IGFL4: variants seen among roughly 807,000 people sequenced by gnomAD.
IGFL4 encodes insulin growth factor-like family member 4.
IGFL4 carries 12 observed loss-of-function variants against 15.4 expected under a neutral mutation model. That is an observed-to-expected ratio of 0.78 (90% CI 0.50 to 1.26). The LOEUF is 1.26. Among genes scored for constraint, IGFL4 ranks in the 50% most tolerant of loss-of-function variants. The pLI is 0.00. For missense variants in IGFL4, 126 were observed against 147.8 expected (o/e 0.85, Z 0.76); for synonymous variants, 54 against 55.9 (o/e 0.97, Z 0.16).
Position 46,040,840 on chromosome 19 carries a change from C to G in IGFL4, c.19+104G>C. ...ATAGCAGTGATTATGAGGTGGGACA[C>G]CAATAATTAAATAGGGAAGAGAGAA... On this transcript the variant is annotated intron_variant, in intron 1 of 3. Transcript: ENST00000377697. This position sits in a 1 kb window ranked among gnomAD's most constrained non-coding sequence, Gnocchi z 4.1. 2 of 1,137,566 alleles carry G rather than the reference C, an allele frequency of 1.8e-6. No individual in the cohort carries two copies. The highest frequency in any genetic ancestry group is 2.1e-5 in the Admixed American group (1 of 48,668). 70.5% of individuals were successfully genotyped at this position (1,137,566 alleles called of 1,614,324 possible).
chr19:46,055,168 G>A (rs1337596282), intron 2 of IGFL4, among the ~76,000 whole-genome samples: 1 of 152,198 alleles, frequency 6.6e-6, no homozygotes, highest in African/African-American at 2.4e-5. Context: ...TGACTGTGAA[G>A]GCACCTCATG....
At position 46,040,586 on chromosome 19, in the gene IGFL4, A is replaced by C. The variant is rs1414115540; in HGVS notation, c.20-18T>G. On this transcript the variant is annotated intron_variant, in intron 1 of 3. Coordinates refer to ENST00000377697, the MANE Select transcript of IGFL4 (RefSeq NM_001002923.3). This position sits in a 1 kb window ranked among gnomAD's most constrained non-coding sequence, Gnocchi z 4.1. ...GATGGCAGCTGAGAAGCAGAAGGAG[A>C]GCGAGAATGATTCTGAGGTCACTAG... 2.0e-5 allele frequency: 32 copies of C among 1,613,822 alleles called. No individual in the cohort carries two copies. The highest frequency in any genetic ancestry group is 2.6e-5 in the Non-Finnish European group (31 of 1,179,950).
At chr19:46,052,399 G>A (rs1969353498) in intron 2 of IGFL4, among the ~76,000 whole-genome samples, 1 of 152,104 alleles carries the variant, frequency 6.6e-6, no homozygotes, top group Non-Finnish European at 1.5e-5. Flanking sequence ...GTGATCATTG[G>A]GACAACAATT....
chr19:46,046,379 T>C (rs1488969607), intron 2 of IGFL4, among the ~76,000 whole-genome samples: 2 of 152,180 alleles, frequency 1.3e-5, no homozygotes, highest in Non-Finnish European at 2.9e-5. Context: ...GCTAGCATCA[T>C]GATGACAGGA....
upstream of IGFL4, among the ~76,000 whole-genome samples, chr19:46,042,582 G>T (rs1969256984): frequency 6.6e-6 from 1 of 152,210 alleles, no homozygotes; most frequent in African/African-American, 2.4e-5. Flanking sequence ...AGCAAGAGGT[G>T]AGTCTGACAG....
rs573517010 is a variant in IGFL4, at chr19:46,039,992, G to A, written c.331-56C>T. The A allele has an allele frequency of 8.7e-3, 13,210 of 1,523,872 alleles. 910 individuals carry two copies. In the African/African-American group the frequency reaches 0.16, roughly 18 times the overall value. The allele number at this position is 1,523,872 out of a possible 1,614,324, so 94.4% of individuals were successfully genotyped here. A position where few individuals can be genotyped will look rare whatever the true frequency, so the allele number is the denominator to read the frequency against. ...TAAGAGGGAGGGTGGTAGCAGCAGT[G>A]GCGGGGAAGGAACAGAGACATGGAG... On this transcript the variant is annotated intron_variant, in intron 3 of 3. Coordinates refer to ENST00000377697, the MANE Select transcript of IGFL4 (RefSeq NM_001002923.3).
intron 1 of IGFL4, among the ~76,000 whole-genome samples, chr19:46,072,625 G>A (rs1381560394): frequency 6.6e-6 from 1 of 152,240 alleles, no homozygotes; most frequent in Admixed American, 6.5e-5. Context: ...AGCCCCAGGT[G>A]TGATCAGGAG....
chr19:46,074,274 G>GATATATATATAC (rs1555816177), intron 1 of IGFL4, among the ~76,000 whole-genome samples: 1 of 150,160 alleles, frequency 6.7e-6, no homozygotes, highest in East Asian at 2.0e-4. Context: ...ACGAGCAGGA[G>GATATATATATAC]ATATATATAT....
At chr19:46,048,618 C>A (rs766507940) in intron 2 of IGFL4, among the ~76,000 whole-genome samples, 12 of 151,996 alleles carry the variant, frequency 7.9e-5, no homozygotes, top group Non-Finnish European at 1.5e-4. Context: ...TCCTATACAC[C>A]AACAACAGGC....
chr19:46,069,713 T>C (rs531389166), intron 1 of IGFL4, among the ~76,000 whole-genome samples: 1 of 152,350 alleles, frequency 6.6e-6, no homozygotes, highest in African/African-American at 2.4e-5. Context: ...TTGTTTGCAA[T>C]ATTTCAGCCT....
At position 46,040,441 on chromosome 19, in the gene IGFL4, C is replaced by T. The variant is rs1460636145; in HGVS notation, c.71-25G>A. On this transcript the variant is annotated intron_variant, in intron 2 of 3. Coordinates refer to ENST00000377697, the MANE Select transcript of IGFL4 (RefSeq NM_001002923.3). The surrounding 1 kb of genome is among the most constrained non-coding windows in gnomAD (Gnocchi z 4.1). ...TCTGGAAGAGTCGGGGCTGGATGGGCTGCAAGGACCAGCCTAGGACCACCT... is the reference window on the plus strand; with the variant it reads ...TCTGGAAGAGTCGGGGCTGGATGGGTTGCAAGGACCAGCCTAGGACCACCT... The T allele has an allele frequency of 3.7e-6, 6 of 1,613,456 alleles. No homozygotes were observed. The African/African-American group carries it at 6.7e-5, about 18-fold the overall frequency.
chr19:46,060,651 T>G (rs1322056711), intron 1 of IGFL4, among the ~76,000 whole-genome samples: 1 of 152,210 alleles, frequency 6.6e-6, no homozygotes, highest in Non-Finnish European at 1.5e-5. Context: ...TGGCACACAA[T>G]AATTTAACAT....
At chr19:46,071,900 G>A (rs1468196662) in intron 1 of IGFL4, among the ~76,000 whole-genome samples, 1 of 152,176 alleles carries the variant, frequency 6.6e-6, no homozygotes, top group Non-Finnish European at 1.5e-5. Context: ...GCACATGCCT[G>A]TAGTCCCAGC....
intron 1 of IGFL4, among the ~76,000 whole-genome samples, chr19:46,072,639 G>C (rs1969557614): frequency 6.6e-6 from 1 of 152,234 alleles, no homozygotes; most frequent in South Asian, 2.1e-4. Context: ...TCAGGAGACA[G>C]AGGCAGGAGT....
At chr19:46,042,542 A>G (rs1303889861), upstream of IGFL4, among the ~76,000 whole-genome samples, 1 of 152,250 alleles carries the variant, frequency 6.6e-6, no homozygotes, top group African/African-American at 2.4e-5. Flanking sequence ...TGAACTATCT[A>G]TGTAGAAAAT....
intron 1 of IGFL4, among the ~76,000 whole-genome samples, chr19:46,071,676 G>C (rs1452213677): frequency 3.3e-5 from 5 of 152,172 alleles, no homozygotes; most frequent in Non-Finnish European, 7.3e-5. Flanking sequence ...TATTTTTACA[G>C]AGGTAAAAGA....
chr19:46,071,999 G>A (rs1198095767), intron 1 of IGFL4, among the ~76,000 whole-genome samples: 1 of 152,150 alleles, frequency 6.6e-6, no homozygotes, highest in Non-Finnish European at 1.5e-5. Flanking sequence ...TTCTAGCCTG[G>A]GCTACAGAGT....
At position 46,040,982 on chromosome 19, in the gene IGFL4, C is replaced by G. The variant is rs756804948; in HGVS notation, c.-20G>C. 5.1e-6 allele frequency: 8 copies of G among 1,578,118 alleles called. No individual in the cohort carries two copies. In the Admixed American group the frequency reaches 7.9e-5, roughly 16 times the overall value. On this transcript the variant is annotated 5_prime_UTR_variant, in exon 1 of 4. Transcript: ENST00000377697. This position sits in a 1 kb window ranked among gnomAD's most constrained non-coding sequence, Gnocchi z 4.1. Reference sequence around the variant, plus strand: ...CACCATGGGTTAGGCTTCAGAGCAGCGGACGAGGGAGCAGCAGTGGAAATG... The same window carrying G: ...CACCATGGGTTAGGCTTCAGAGCAGGGGACGAGGGAGCAGCAGTGGAAATG...
upstream of IGFL4, chr19:46,041,028 G>A: frequency 1.4e-6 from 2 of 1,436,190 alleles, no homozygotes; most frequent in Admixed American, 2.6e-5. Context: ...TTTACATAGG[G>A]GCTTATATAG....
Sources: gnomAD v4.1 joint callset for allele counts (sites outside exome capture counted in the v4.1 genomes callset) on GRCh38, gnomAD v4.1.1 for gene constraint, Gnocchi (gnomAD v3.1) non-coding constraint, MANE v1.5 for transcripts, NCBI Gene and HGNC (gene_info 2026-07-23, HGNC 2026-07-21) for gene names.